Variants in RGS7 observed in about 807,000 individuals in gnomAD.
RGS7 encodes regulator of G protein signaling 7.
RGS7 carries 27 observed loss-of-function variants against 81.1 expected under a neutral mutation model. The observed-to-expected ratio is 0.33, with a 90% CI of 0.25 to 0.46. The LOEUF (loss-of-function observed/expected upper bound fraction) is 0.46. Ranked by LOEUF, RGS7 falls within the 20% of genes least tolerant of loss-of-function variation. RGS7 has a pLI of 1.00. For missense variants in RGS7, 396 were observed against 607.4 expected, an observed-to-expected ratio of 0.65 and a Z score of 3.66; for synonymous variants, 208 against 207.7, an observed-to-expected ratio of 1.00 and a Z score of -0.01.
At chr1:241,207,107 T>TA (rs1428689765) in intron 2 of RGS7, among the ~76,000 whole-genome samples, 1 of 151,314 alleles carries the variant, frequency 6.6e-6, no homozygotes, top group Non-Finnish European at 1.5e-5. Flanking sequence ...TAGCTGGGAC[T>TA]ACAGGTGCCC....
intron 3 of RGS7, among the ~76,000 whole-genome samples, chr1:241,008,125 CAAACAAACAAACA>C (rs1244180741): frequency 1.3e-5 from 2 of 151,744 alleles, no homozygotes; most frequent in Non-Finnish European, 2.9e-5. Flanking sequence ...AAAAGACAAA[CAAACAAACAAACA>C]AAACAAACAA....
intron 3 of RGS7, among the ~76,000 whole-genome samples, chr1:241,039,847 A>G (rs972470443): frequency 6.6e-6 from 1 of 152,172 alleles, no homozygotes; most frequent in African/African-American, 2.4e-5. Context: ...TGGAGAACCG[A>G]CTTGCTGTTC....
rs2077887499 is a variant in RGS7 at position 241,271,359 on chromosome 1, T to C, written c.78+84340A>G. Among the ~76,000 whole-genome samples the C allele has an allele frequency of 6.6e-6, 1 of 152,132 alleles. No homozygotes were observed. Among genetic ancestry groups the C allele is most frequent in the African/African-American group, 2.4e-5 (1 of 41,430 alleles). On this transcript the variant is annotated intron_variant, in intron 2 of 18. Transcript: ENST00000440928. This position sits in a 1 kb window ranked among gnomAD's most constrained non-coding sequence, Gnocchi z 4.6. ...GAACTGAAATTTTTATGCCTCAACA[T>C]TTTTTTACAAAAGGAAATCAAATGT... is the stretch of plus-strand genomic sequence containing the variant.
chr1:240,930,597 T>C (rs1675269941), intron 6 of RGS7, 120 bp downstream of exon 6: 3 of 932,204 alleles, frequency 3.2e-6, no homozygotes, highest in South Asian at 1.4e-5. Flanking sequence ...GTTAAAAATA[T>C]TGGTCCCATC....
chr1:241,295,884 T>C (rs949688311), intron 2 of RGS7, among the ~76,000 whole-genome samples: 5 of 152,206 alleles, frequency 3.3e-5, no homozygotes, highest in African/African-American at 1.2e-4. Context: ...CAGCCAATGG[T>C]TGGGTATAAA....
Position 241,087,970 on chromosome 1 carries a change from CTCTCTCTATATA to C in RGS7, c.175+10684_175+10695del, listed in dbSNP as rs1321729664. Among the ~76,000 whole-genome samples the C allele has an allele frequency of 6.3e-3, 552 of 87,540 alleles. 4 individuals are homozygous for C. Among genetic ancestry groups the C allele is most frequent in the African/African-American group, 0.022 (524 of 23,610 alleles). 57.4% of individuals were successfully genotyped at this position (87,540 alleles called of 152,430 possible). On this transcript the variant is annotated intron_variant, in intron 3 of 18. Coordinates refer to ENST00000440928, the MANE Select transcript of RGS7 (RefSeq NM_001364886.1). ...TCTCTCTCTCTCTCTCTCTCTCTCT[CTCTCTCTATATA>C]TATATATATATATACACACACACAC...
intron 18 of RGS7, among the ~76,000 whole-genome samples, chr1:240,785,711 G>A (rs931059655): frequency 4.6e-5 from 7 of 152,138 alleles, no homozygotes; most frequent in African/African-American, 1.7e-4. Context: ...AATGTTAACA[G>A]ATTGACTAAT....
chr1:241,090,482 G>C (rs532402392), intron 3 of RGS7, among the ~76,000 whole-genome samples: 1 of 152,142 alleles, frequency 6.6e-6, no homozygotes, highest in South Asian at 2.1e-4. Context: ...ATTTACTGGA[G>C]TTCAGAGAAA....
chr1:240,938,488 A>T (rs1324820254), intron 4 of RGS7, among the ~76,000 whole-genome samples: 1 of 152,134 alleles, frequency 6.6e-6, no homozygotes, highest in African/African-American at 2.4e-5. Flanking sequence ...GGTACAGCAA[A>T]GCATAAGAAT....
At chr1:241,017,965 ATTTC>A (rs1048695331) in intron 3 of RGS7, among the ~76,000 whole-genome samples, 1 of 147,596 alleles carries the variant, frequency 6.8e-6, no homozygotes, top group Non-Finnish European at 1.5e-5. Flanking sequence ...TTGTCTCTCT[ATTTC>A]TTTCTTTATT....
intron 2 of RGS7, among the ~76,000 whole-genome samples, chr1:241,245,454 C>T: frequency 6.6e-6 from 1 of 151,514 alleles, no homozygotes; most frequent in Non-Finnish European, 1.5e-5. Flanking sequence ...GCTTGCACAG[C>T]CTGCAGAACC....
intron 2 of RGS7, among the ~76,000 whole-genome samples, chr1:241,184,685 A>G (rs2071938489): frequency 2.6e-5 from 4 of 152,194 alleles, no homozygotes; most frequent in Admixed American, 2.6e-4. Flanking sequence ...TATACAAAAC[A>G]TCAACAAATT....
chr1:240,900,218 A>C (rs71648632), intron 6 of RGS7, among the ~76,000 whole-genome samples: 19,435 of 152,114 alleles, frequency 0.13, 1,357 homozygotes, highest in Middle Eastern at 0.18. Flanking sequence ...AGCTTCTTTG[A>C]AATGGGTTTG....
At chr1:241,290,008 A>T (rs1454384686) in intron 2 of RGS7, among the ~76,000 whole-genome samples, 1 of 152,234 alleles carries the variant, frequency 6.6e-6, no homozygotes, top group Non-Finnish European at 1.5e-5. Flanking sequence ...GACAGAGATC[A>T]TCAGAATTGA....
intron 2 of RGS7, among the ~76,000 whole-genome samples, chr1:241,165,642 AG>A (rs1403579775): frequency 1.3e-5 from 1 of 75,810 alleles, no homozygotes; most frequent in East Asian, 4.2e-4. Flanking sequence ...GGGTAGGGGG[AG>A]GGGGGAGGGA....
rs113917259 is a variant in RGS7 at position 240,987,097 on chromosome 1, C to T, written c.176-3968G>A. ...CAGGATTAGAGCACATCCTCAGCTA[C>T]AAGTGTCACCTACAGCTATCCACAA... On this transcript the variant is annotated intron_variant, in intron 3 of 18. Coordinates refer to ENST00000440928, the MANE Select transcript of RGS7 (RefSeq NM_001364886.1). Among the ~76,000 whole-genome samples, 1,003 of 152,258 alleles carry T rather than the reference C, an allele frequency of 6.6e-3. 17 individuals carry two copies. The highest frequency in any genetic ancestry group is 0.023 in the African/African-American group (952 of 41,546).
At chr1:241,037,549 T>A (rs1467158761) in intron 3 of RGS7, among the ~76,000 whole-genome samples, 8 of 151,918 alleles carry the variant, frequency 5.3e-5, no homozygotes, top group Non-Finnish European at 1.5e-5. Flanking sequence ...TGAAACCCCA[T>A]CTCTACTAAA....
intron 9 of RGS7, among the ~76,000 whole-genome samples, chr1:240,856,596 G>A (rs1457868076): frequency 2.0e-5 from 3 of 151,918 alleles, no homozygotes; most frequent in African/African-American, 4.8e-5. Context: ...CAGGAATAAC[G>A]ATATTTTATC....
intron 6 of RGS7, among the ~76,000 whole-genome samples, chr1:240,921,442 A>T (rs1673524492): frequency 6.6e-6 from 1 of 152,120 alleles, no homozygotes; most frequent in African/African-American, 2.4e-5. Context: ...GAATAAGACA[A>T]GAAAAAGAAA....
Sources: gnomAD v4.1 joint callset for allele counts (sites outside exome capture counted in the v4.1 genomes callset) on GRCh38, gnomAD v4.1.1 for gene constraint, Gnocchi (gnomAD v3.1) non-coding constraint, MANE v1.5 for transcripts, NCBI Gene and HGNC (gene_info 2026-07-23, HGNC 2026-07-21) for gene names.